The following AKAP6 variants were observed in gnomAD, a reference collection of about 807,000 sequenced individuals.
The protein encoded by AKAP6 is A-kinase anchor protein 6.
Under a neutral mutation model 188.5 loss-of-function variants are expected in AKAP6, and 58 were observed. The ratio of observed to expected loss-of-function variants is 0.31; its 90% CI spans 0.25 to 0.38. The LOEUF (loss-of-function observed/expected upper bound fraction) is 0.38, where lower values mean the gene tolerates loss of function less well. Ranked by LOEUF, AKAP6 falls within the 10% of genes least tolerant of loss-of-function variation. The pLI is 1.00. For missense variants in AKAP6, 2,710 were observed against 2,740.0 expected (o/e 0.99, Z 0.24); for synonymous variants, 989 against 998.6 (o/e 0.99, Z 0.18).
At chr14:32,411,470 T>C (rs1201569202) in intron 1 of AKAP6, among the ~76,000 whole-genome samples, 1 of 152,152 alleles carries the variant, frequency 6.6e-6, no homozygotes, top group African/African-American at 2.4e-5. Context: ...TCAACATTGG[T>C]ATCCTTTAAT....
At chr14:32,612,319 C>T (rs1046541684) in intron 7 of AKAP6, among the ~76,000 whole-genome samples, 2 of 152,166 alleles carry the variant, frequency 1.3e-5, no homozygotes, top group Non-Finnish European at 1.5e-5. Context: ...CTTTGTTTTA[C>T]TCACTTTACA....
At chr14:32,603,738 T>C (rs925052814) in intron 7 of AKAP6, among the ~76,000 whole-genome samples, 3 of 152,180 alleles carry the variant, frequency 2.0e-5, no homozygotes, top group East Asian at 3.9e-4. Flanking sequence ...AAAATAAGAA[T>C]GGTTTGATTA....
rs142304209 is a variant in AKAP6 at position 32,821,714 on chromosome 14, C to T, written c.3901C>T (p.His1301Tyr). 23 of 1,613,620 alleles carry T rather than the reference C, an allele frequency of 1.4e-5. No homozygotes were observed. In the African/African-American group the frequency reaches 2.7e-4, roughly 19 times the overall value. The part of the protein sequence containing the change: ...LHNVELYEDN[H>Y]MPFLKNNPKV... ...CAATGTTGAACTCTATGAGGACAACCACATGCCATTTCTGAAAAACAATCC... is the reference window on the plus strand; with the variant it reads ...CAATGTTGAACTCTATGAGGACAACTACATGCCATTTCTGAAAAACAATCC... The change falls in exon 13 of 14, where the codon CAC becomes TAC. Residue 1301 changes from histidine to tyrosine, a missense_variant. Around this residue, in one of 2 missense-constraint regions of AKAP6, gnomAD observed 2,473 missense variants for 2,426.1 expected, o/e 1.02. Coordinates refer to ENST00000280979, the MANE Select transcript of AKAP6 (RefSeq NM_004274.5).
chr14:32,730,594 T>C (rs1439116893), intron 9 of AKAP6, among the ~76,000 whole-genome samples: 1 of 152,086 alleles, frequency 6.6e-6, no homozygotes, highest in Non-Finnish European at 1.5e-5. Context: ...GTTAAAGGGA[T>C]AACTGGTAGA....
At chr14:32,757,532 G>T (rs1240584587) in intron 11 of AKAP6, among the ~76,000 whole-genome samples, 1 of 152,246 alleles carries the variant, frequency 6.6e-6, no homozygotes, top group Non-Finnish European at 1.5e-5. Flanking sequence ...GTAATAGAAT[G>T]TATGTAAGAA....
At chr14:32,707,907 AAG>A (rs1373646374) in intron 9 of AKAP6, among the ~76,000 whole-genome samples, 1 of 152,064 alleles carries the variant, frequency 6.6e-6, no homozygotes, top group Non-Finnish European at 1.5e-5. Flanking sequence ...ATCAGGGAGA[AAG>A]AGAAAGTAGT....
At chr14:32,665,283 CA>C in intron 7 of AKAP6, among the ~76,000 whole-genome samples, 1 of 152,238 alleles carries the variant, frequency 6.6e-6, no homozygotes, top group Middle Eastern at 3.4e-3. Flanking sequence ...TTCGGCCCTC[CA>C]GAAATTCTAA....
Position 32,510,436 on chromosome 14 carries a change from GTGTATATATATATACATATATATGTGTA to G in AKAP6, c.325-25116_325-25089del, listed in dbSNP as rs1881167747. The stretch of plus-strand genomic sequence containing the variant: ...TATGTATATATATACATATATATAT[GTGTATATATATATACATATATATGTGTA>G]TATATATATATACATATATATATGT... On this transcript the variant is annotated intron_variant, in intron 2 of 13. Coordinates refer to ENST00000280979, the MANE Select transcript of AKAP6 (RefSeq NM_004274.5). 1.3e-4 allele frequency among the ~76,000 whole-genome samples: 4 copies of G among 30,256 alleles called. 1 individual carries two copies. The South Asian group carries it at 1.8e-3, about 13-fold the overall frequency. The allele number at this position is 30,256 out of a possible 152,430, so 19.8% of individuals were successfully genotyped here.
intron 2 of AKAP6, among the ~76,000 whole-genome samples, chr14:32,534,792 C>T (rs1882590036): frequency 6.6e-6 from 1 of 151,762 alleles, no homozygotes; most frequent in South Asian, 2.1e-4. Flanking sequence ...CTGGTGAAAC[C>T]CCGTCTGTAC....
intron 7 of AKAP6, among the ~76,000 whole-genome samples, chr14:32,626,899 A>G (rs1300656392): frequency 6.6e-6 from 1 of 152,124 alleles, no homozygotes; most frequent in Non-Finnish European, 1.5e-5. Context: ...CTCACACAAC[A>G]TGTAATAGGT....
intron 12 of AKAP6, among the ~76,000 whole-genome samples, chr14:32,793,251 C>G (rs1207478950): frequency 2.6e-5 from 4 of 152,104 alleles, no homozygotes; most frequent in African/African-American, 9.7e-5. Context: ...AGAGCCAAGA[C>G]CCATCAGTAT....
chr14:32,619,403 T>C (rs955639990), intron 7 of AKAP6, among the ~76,000 whole-genome samples: 4 of 152,122 alleles, frequency 2.6e-5, no homozygotes, highest in African/African-American at 7.2e-5. Context: ...ACTTTGGCTA[T>C]CCAGTTTTCC....
intron 7 of AKAP6, among the ~76,000 whole-genome samples, chr14:32,656,483 GC>G (rs1888459581): frequency 6.6e-6 from 1 of 152,108 alleles, no homozygotes; most frequent in African/African-American, 2.4e-5. Context: ...GGGAGTGCCA[GC>G]CAAAACTGAC....
rs1304610257 is a variant in AKAP6, at chr14:32,546,275, T to G, written c.1622T>G (p.Ile541Arg). 6.2e-7 allele frequency: 1 copy of G among 1,614,148 alleles called. No homozygotes were observed. Among genetic ancestry groups the G allele is most frequent in the East Asian group, 2.2e-5 (1 of 44,884 alleles). ...NGELSYTSKA[I>R]EGPQTNSAST... ...GAGCTTTCTTATACTTCCAAGGCCA[T>G]AGAGGGGCCACAAACAAATTCTGCT... is the stretch of plus-strand genomic sequence containing the variant. Residue 541 changes from isoleucine (I) to arginine (R), a missense_variant, in exon 4 of 14, where the codon ATA (isoleucine) becomes AGA (arginine). Coordinates refer to ENST00000280979, the MANE Select transcript of AKAP6 (RefSeq NM_004274.5).
intron 1 of AKAP6, among the ~76,000 whole-genome samples, chr14:32,372,851 G>T (rs1310996464): frequency 6.6e-6 from 1 of 151,768 alleles, no homozygotes; most frequent in African/African-American, 2.4e-5. Flanking sequence ...GAGAGAAAAA[G>T]AAAGAGAGCG....
intron 2 of AKAP6, among the ~76,000 whole-genome samples, chr14:32,499,890 CTAT>C (rs1265185994): frequency 6.6e-6 from 1 of 151,716 alleles, no homozygotes; most frequent in Non-Finnish European, 1.5e-5. Flanking sequence ...TACCAAAGAC[CTAT>C]TATTAGGAAT....
chr14:32,605,393 T>C (rs533654444), intron 7 of AKAP6, among the ~76,000 whole-genome samples: 1 of 152,220 alleles, frequency 6.6e-6, no homozygotes, highest in African/African-American at 2.4e-5. Context: ...AACTGTGGTG[T>C]GGCTGGAACC....
intron 11 of AKAP6, among the ~76,000 whole-genome samples, chr14:32,740,680 G>T (rs1017299704): frequency 6.6e-6 from 1 of 151,994 alleles, no homozygotes. Context: ...TGAGTTCACT[G>T]TAGGTGTGTG....
chr14:32,751,467 T>G (rs970914881), intron 11 of AKAP6, among the ~76,000 whole-genome samples: 4 of 151,594 alleles, frequency 2.6e-5, no homozygotes, highest in Admixed American at 6.6e-5. Flanking sequence ...TTAGTTTCAT[T>G]TATGTAGGAC....
Sources: gnomAD v4.1 joint callset for allele counts (sites outside exome capture counted in the v4.1 genomes callset) on GRCh38, gnomAD v4.1.1 for gene constraint, gnomAD v4.1.1 regional missense constraint, MANE v1.5 for transcripts, NCBI Gene and HGNC (gene_info 2026-07-23, HGNC 2026-07-21) for gene names.